Variants in GRIN2B observed in about 807,000 individuals in gnomAD.
GRIN2B encodes the protein glutamate ionotropic receptor NMDA type subunit 2B.
A neutral mutation model predicts 114.5 loss-of-function variants in GRIN2B; 5 were observed. The ratio of observed to expected loss-of-function variants is 0.04; its 90% CI spans 0.02 to 0.09. GRIN2B has a LOEUF of 0.09. Among genes scored for constraint, GRIN2B ranks in the 10% least tolerant of loss-of-function variants. GRIN2B has a pLI of 1.00. For synonymous variants in GRIN2B, 787 were observed against 745.1 expected (o/e 1.06, Z -0.92); for missense variants, 1,108 against 1,943.5 (o/e 0.57, Z 8.08).
intron 5 of GRIN2B, among the ~76,000 whole-genome samples, chr12:13,668,443 T>C (rs1949996688): frequency 6.6e-6 from 1 of 152,112 alleles, no homozygotes; most frequent in Admixed American, 6.6e-5. Context: ...TGTTGAGACT[T>C]TAGGGATTAA....
chr12:13,603,403 G>A (rs1949191036), intron 10 of GRIN2B, among the ~76,000 whole-genome samples: 3 of 152,080 alleles, frequency 2.0e-5, no homozygotes, highest in Admixed American at 2.0e-4. Context: ...TCTAAACAGG[G>A]TGGCACACTG....
At chr12:13,582,387 A>G (rs1948864786) in intron 10 of GRIN2B, among the ~76,000 whole-genome samples, 1 of 152,252 alleles carries the variant, frequency 6.6e-6, no homozygotes, top group Non-Finnish European at 1.5e-5. Flanking sequence ...AAATTGCCCA[A>G]ATTAACTCTG....
At position 13,857,372 on chromosome 12, in the gene GRIN2B, TACAC is replaced by T. The variant is rs142914230; in HGVS notation, c.411+8422_411+8425del. Among the ~76,000 whole-genome samples the T allele has an allele frequency of 4.4e-3, 648 of 147,644 alleles. 5 individuals carry two copies. Among genetic ancestry groups the T allele is most frequent in the South Asian group, 0.036 (167 of 4,612 alleles). ...TCAGTGCCTGTGGCGCACGCGTGCA[TACAC>T]ACACACACACACACACACACACACT... On this transcript the variant is annotated intron_variant, in intron 3 of 13. Coordinates refer to ENST00000609686, the MANE Select transcript of GRIN2B (RefSeq NM_000834.5).
At chr12:13,967,406 T>C (rs974102591) in intron 2 of GRIN2B, among the ~76,000 whole-genome samples, 1 of 152,232 alleles carries the variant, frequency 6.6e-6, no homozygotes, top group East Asian at 1.9e-4. Flanking sequence ...AAACGCCCAG[T>C]TCAAATCCTG....
At chr12:13,919,635 C>A (rs1453560880) in intron 2 of GRIN2B, among the ~76,000 whole-genome samples, 1 of 152,028 alleles carries the variant, frequency 6.6e-6, no homozygotes, top group East Asian at 1.9e-4. Flanking sequence ...TAAACTAAGT[C>A]TTTGGGTTTA....
chr12:13,728,618 T>C (rs1286407076), intron 4 of GRIN2B, among the ~76,000 whole-genome samples: 3 of 152,098 alleles, frequency 2.0e-5, no homozygotes, highest in African/African-American at 7.2e-5. Context: ...TTGTGTGTGC[T>C]TCAATATCAA....
rs193206054 is a variant in GRIN2B, at chr12:13,845,669, C to T, written c.411+20129G>A. On this transcript the variant is annotated intron_variant, in intron 3 of 13. Coordinates refer to ENST00000609686, the MANE Select transcript of GRIN2B (RefSeq NM_000834.5). ...GGCATGAGACTAGTCTCTAAGATCC[C>T]TTCCAACCTTGATGGTCTTTGATAC... Among the ~76,000 whole-genome samples the T allele has an allele frequency of 2.8e-3, 419 of 152,258 alleles. 4 individuals are homozygous for T. The South Asian group carries it at 0.029, about 10-fold the overall frequency.
intron 2 of GRIN2B, among the ~76,000 whole-genome samples, chr12:13,958,621 ATG>A (rs967705598): frequency 6.6e-6 from 1 of 151,984 alleles, no homozygotes; most frequent in Non-Finnish European, 1.5e-5. Flanking sequence ...CTCATACCAC[ATG>A]TCTCATCCCG....
chr12:13,538,502 T>C lies in GRIN2B; in HGVS notation c.*24281A>G, dbSNP rs891840324. 6.6e-6 allele frequency: 1 copy of C among 152,206 alleles called. No homozygotes were observed. The highest frequency in any genetic ancestry group is 1.5e-5 in the Non-Finnish European group (1 of 68,040). 9.4% of individuals were successfully genotyped at this position (152,206 alleles called of 1,614,324 possible). On this transcript the variant is annotated 3_prime_UTR_variant, in exon 14 of 14. Transcript: ENST00000609686. ...TTCCCACCATAATCCAGATAAATAC[T>C]CGCAAGCTTCCTTATTTAAAACTAG...
At chr12:13,653,066 G>A (rs1949830998) in intron 5 of GRIN2B, among the ~76,000 whole-genome samples, 1 of 152,222 alleles carries the variant, frequency 6.6e-6, no homozygotes, top group African/African-American at 2.4e-5. Flanking sequence ...TAGAGTCAAG[G>A]AAAGAAGGAA....
intron 2 of GRIN2B, among the ~76,000 whole-genome samples, chr12:13,952,780 TTC>T (rs375682136): frequency 2.6e-5 from 4 of 152,010 alleles, no homozygotes; most frequent in African/African-American, 7.3e-5. Flanking sequence ...CACTTTTAAT[TTC>T]TGTTTTTTTG....
At position 13,553,886 on chromosome 12, in the gene GRIN2B, AAC is replaced by A. The variant is rs2059710888; in HGVS notation, c.*8895_*8896del. 6.6e-6 allele frequency: 1 copy of A among 152,192 alleles called. No homozygotes were observed. The highest frequency in any genetic ancestry group is 6.5e-5 in the Admixed American group (1 of 15,278). The allele number at this position is 152,192 out of a possible 1,614,324, so 9.4% of individuals were successfully genotyped here. A position where few individuals can be genotyped will look rare whatever the true frequency, so the allele number is the denominator to read the frequency against. On this transcript the variant is annotated 3_prime_UTR_variant, in exon 14 of 14. Transcript: ENST00000609686. ...TCCAAGTACACTTTCCTAACCATAAAACAGTCCAAAACAACTTCAAAGGACAA... is the reference window on the plus strand; with the variant it reads ...TCCAAGTACACTTTCCTAACCATAAAAGTCCAAAACAACTTCAAAGGACAA...
chr12:13,847,232 TA>T (rs1865486623), intron 3 of GRIN2B, among the ~76,000 whole-genome samples: 1 of 152,202 alleles, frequency 6.6e-6, no homozygotes, highest in South Asian at 2.1e-4. Context: ...TTATTCCTGA[TA>T]TCCCTTATCA....
chr12:13,851,197 T>A (rs1279305997), intron 3 of GRIN2B, among the ~76,000 whole-genome samples: 1 of 152,184 alleles, frequency 6.6e-6, no homozygotes, highest in Admixed American at 6.5e-5. Context: ...CCACTGAATA[T>A]CAGAGACAAG....
chr12:13,825,493 A>ATATATATATTTTT (rs1555144006), intron 3 of GRIN2B, among the ~76,000 whole-genome samples: 18 of 28,126 alleles, frequency 6.4e-4, no homozygotes, highest in East Asian at 1.1e-3. Flanking sequence ...ATATATATAT[A>ATATATATATTTTT]TTTTGTGTGT....
chr12:13,962,829 GTGCCAAAATTGC>G (rs1238282272), intron 2 of GRIN2B, among the ~76,000 whole-genome samples: 1 of 152,194 alleles, frequency 6.6e-6, no homozygotes, highest in East Asian at 1.9e-4. Flanking sequence ...CCCCAGAAGA[GTGCCAAAATTGC>G]TGCCACCTCG....
Position 13,559,826 on chromosome 12 carries a change from C to G in GRIN2B, c.*2957G>C, listed in dbSNP as rs1028690074. 1.4e-4 allele frequency: 21 copies of G among 152,178 alleles called. No individual in the cohort carries two copies. The highest frequency in any genetic ancestry group is 5.1e-4 in the African/African-American group (21 of 41,424). 9.4% of individuals were successfully genotyped at this position (152,178 alleles called of 1,614,324 possible). A position where few individuals can be genotyped will look rare whatever the true frequency, so the allele number is the denominator to read the frequency against. ...CCCAGGTCCTAAAGAAGAAAAGACT[C>G]AGATGACTGAGACGATTGTTTCAGC... On this transcript the variant is annotated 3_prime_UTR_variant, in exon 14 of 14. Coordinates refer to ENST00000609686, the MANE Select transcript of GRIN2B (RefSeq NM_000834.5).
rs1949434166 is a variant in GRIN2B, at chr12:13,615,950, CT to C, written c.1329-287del. ...ATATTTGAAGGCTTCAGTTCAATGA[CT>C]TTTCAGACTGAACTCTTATTAATCA... is the stretch of plus-strand genomic sequence containing the variant. On this transcript the variant is annotated intron_variant, in intron 6 of 13. Coordinates refer to ENST00000609686, the MANE Select transcript of GRIN2B (RefSeq NM_000834.5). This position sits in a 1 kb window ranked among gnomAD's most constrained non-coding sequence, Gnocchi z 5.8. Among the ~76,000 whole-genome samples the C allele has an allele frequency of 6.6e-6, 1 of 152,136 alleles. No individual in the cohort carries two copies. Among genetic ancestry groups the C allele is most frequent in the Admixed American group, 6.5e-5 (1 of 15,274 alleles).
At position 13,752,923 on chromosome 12, in the gene GRIN2B, A is replaced by T. The variant is rs886885238; in HGVS notation, c.1010+394T>A. On this transcript the variant is annotated intron_variant, in intron 4 of 13. Transcript: ENST00000609686. ...CTTTGCGATCAAGTAGTACTTACAG[A>T]TCAGAGAGGCCTAGGTTCAACTCCA... Among the ~76,000 whole-genome samples the T allele has an allele frequency of 2.6e-5, 4 of 152,196 alleles. No individual in the cohort carries two copies. The East Asian group carries it at 7.7e-4, about 29-fold the overall frequency.
Sources: allele counts gnomAD v4.1 joint callset (sites outside exome capture counted in the v4.1 genomes callset), GRCh38; gene constraint gnomAD v4.1.1; non-coding constraint Gnocchi (gnomAD v3.1); transcripts MANE v1.5; gene names NCBI Gene and HGNC (gene_info 2026-07-23, HGNC 2026-07-21).